Variants in ASCC1 observed in about 807,000 individuals in gnomAD.
ASCC1 encodes ASC-1 complex subunit P50.
In ASCC1, 35 loss-of-function variants were observed where a neutral mutation model predicts 46.6. The observed-to-expected ratio is 0.75, with a 90% CI of 0.57 to 0.99. The LOEUF is 0.99. Among genes scored for constraint, ASCC1 ranks in the 50% least tolerant of loss-of-function variants. The pLI, the probability that ASCC1 is intolerant of heterozygous loss-of-function variation, is 0.00. For synonymous variants in ASCC1, 143 were observed against 146.6 expected (o/e 0.98, Z 0.18); for missense variants, 376 against 428.7 (o/e 0.88, Z 1.09).
intron 9 of ASCC1, among the ~76,000 whole-genome samples, chr10:72,115,112 G>A (rs927422543): frequency 2.0e-5 from 3 of 152,216 alleles, no homozygotes; most frequent in African/African-American, 7.2e-5. Flanking sequence ...AGTTTGCCAA[G>A]TCCTGCTTTA....
intron 3 of ASCC1, among the ~76,000 whole-genome samples, chr10:72,209,486 T>G (rs1857726243): frequency 6.6e-6 from 1 of 151,994 alleles, no homozygotes; most frequent in African/African-American, 2.4e-5. Flanking sequence ...GTCTCAAAAA[T>G]ACAATAATAA....
chr10:72,190,319 T>G, intron 5 of ASCC1: 1 of 901,726 alleles, frequency 1.1e-6, no homozygotes, highest in Non-Finnish European at 1.8e-6. Context: ...ACTTAAATAT[T>G]GGATTGGTGA....
intron 3 of ASCC1, among the ~76,000 whole-genome samples, chr10:72,205,332 A>T (rs1425140753): frequency 1.3e-5 from 2 of 152,090 alleles, no homozygotes; most frequent in Non-Finnish European, 2.9e-5. Flanking sequence ...TAGCAAAGCC[A>T]GGCAAGGTGG....
At chr10:72,131,604 A>T (rs1373517260) in intron 8 of ASCC1, among the ~76,000 whole-genome samples, 2 of 152,192 alleles carry the variant, frequency 1.3e-5, no homozygotes, top group African/African-American at 4.8e-5. Context: ...AGATTTATTT[A>T]TAAGTCTTAA....
chr10:72,148,248 G>A (rs1443429465), intron 7 of ASCC1, among the ~76,000 whole-genome samples: 1 of 152,060 alleles, frequency 6.6e-6, no homozygotes, highest in Non-Finnish European at 1.5e-5. Flanking sequence ...TAAAACACCA[G>A]TTCAAGCTGT....
chr10:72,216,396 A>T (rs1372152050), upstream of ASCC1: 1 of 176,060 alleles, frequency 5.7e-6, no homozygotes, highest in Non-Finnish European at 1.2e-5. Context: ...AAAAGTGGCT[A>T]GGAGTTAGCT....
At chr10:72,182,946 A>G (rs963074922) in intron 5 of ASCC1, among the ~76,000 whole-genome samples, 4 of 151,682 alleles carry the variant, frequency 2.6e-5, no homozygotes, top group African/African-American at 7.3e-5. Flanking sequence ...ATACTTTCTT[A>G]TGGTATATTC....
intron 5 of ASCC1, among the ~76,000 whole-genome samples, chr10:72,184,039 G>A (rs1853055833): frequency 6.6e-6 from 1 of 152,086 alleles, no homozygotes; most frequent in African/African-American, 2.4e-5. Flanking sequence ...AGCTACTCGG[G>A]AGGCTGAGAC....
chr10:72,141,080 G>GATAGAT (rs200776340), intron 7 of ASCC1, among the ~76,000 whole-genome samples: 1,880 of 141,054 alleles, frequency 0.013, 20 homozygotes, highest in South Asian at 0.022. Context: ...TAGATAGATA[G>GATAGAT]ATAGATATAG....
rs182301592 is a variant in ASCC1 at position 72,179,297 on chromosome 10, G to C, written c.489+17514C>G. Among the ~76,000 whole-genome samples, 331 of 152,114 alleles carry C rather than the reference G, an allele frequency of 2.2e-3. 1 individual carries two copies. Among genetic ancestry groups the C allele is most frequent in the African/African-American group, 7.4e-3 (308 of 41,474 alleles). ...ATTACAGGTGTGAGCCACTGCGCCC[G>C]GCCTGCTGCTCTTTTTTAAACCCTC... On this transcript the variant is annotated intron_variant, in intron 5 of 9. Coordinates refer to ENST00000672957, the MANE Select transcript of ASCC1 (RefSeq NM_001198800.3).
intron 5 of ASCC1, among the ~76,000 whole-genome samples, chr10:72,191,546 G>A (rs771220567): frequency 5.6e-4 from 85 of 151,856 alleles, no homozygotes; most frequent in Non-Finnish European, 1.3e-4. Context: ...CCTAAATATT[G>A]CATCTCGTAC....
intron 5 of ASCC1, among the ~76,000 whole-genome samples, chr10:72,172,855 T>C (rs1851359887): frequency 7.9e-6 from 1 of 127,022 alleles, no homozygotes; most frequent in Non-Finnish European, 1.6e-5. Flanking sequence ...ATATAATATT[T>C]TTATATTATA....
chr10:72,105,576 T>C (rs1053624847), intron 9 of ASCC1, among the ~76,000 whole-genome samples: 15 of 152,122 alleles, frequency 9.9e-5, no homozygotes, highest in Admixed American at 9.8e-4. Context: ...TGATGAAAGG[T>C]TTTTGGTCAA....
chr10:72,143,379 T>C (rs560974227), intron 7 of ASCC1, among the ~76,000 whole-genome samples: 12 of 151,924 alleles, frequency 7.9e-5, no homozygotes, highest in African/African-American at 2.9e-4. Context: ...GTTGTTGTTG[T>C]TGTTGTTAAG....
intron 5 of ASCC1, among the ~76,000 whole-genome samples, chr10:72,169,858 G>A (rs1850835343): frequency 6.6e-6 from 1 of 152,150 alleles, no homozygotes; most frequent in African/African-American, 2.4e-5. Context: ...GGTGGCTCAC[G>A]CCTGTAATCC....
chr10:72,167,192 T>C (rs1056959393), intron 5 of ASCC1, among the ~76,000 whole-genome samples: 3 of 151,768 alleles, frequency 2.0e-5, no homozygotes, highest in Admixed American at 6.6e-5. Context: ...AGCCAAAGAG[T>C]AGGAACAATC....
intron 3 of ASCC1, among the ~76,000 whole-genome samples, chr10:72,209,960 G>A (rs1857813422): frequency 6.6e-6 from 1 of 151,930 alleles, no homozygotes; most frequent in Non-Finnish European, 1.5e-5. Flanking sequence ...CCTTGGCGAT[G>A]AGTGAGCTCA....
intron 3 of ASCC1, among the ~76,000 whole-genome samples, chr10:72,205,371 T>A (rs372593939): frequency 1.2e-4 from 18 of 152,260 alleles, no homozygotes; most frequent in Admixed American, 7.9e-4. Flanking sequence ...GGCTCACACC[T>A]GTAATCCCAG....
At chr10:72,108,462 C>A (rs1350677014) in intron 9 of ASCC1, among the ~76,000 whole-genome samples, 6 of 152,166 alleles carry the variant, frequency 3.9e-5, no homozygotes, top group Non-Finnish European at 7.3e-5. Flanking sequence ...AGCTCATAAA[C>A]CAACCTTGTA....
Sources: gnomAD v4.1 joint callset for allele counts (sites outside exome capture counted in the v4.1 genomes callset) on GRCh38, gnomAD v4.1.1 for gene constraint, MANE v1.5 for transcripts, NCBI Gene and HGNC (gene_info 2026-07-23, HGNC 2026-07-21) for gene names.